The following CCDC13 variants were observed in gnomAD, a reference collection of about 807,000 sequenced individuals.
The protein encoded by CCDC13 is coiled-coil domain-containing protein 13.
A neutral mutation model predicts 87.3 loss-of-function variants in CCDC13; 70 were observed. The observed-to-expected ratio is 0.80, with a 90% confidence interval of 0.66 to 0.98. The LOEUF (loss-of-function observed/expected upper bound fraction) is 0.98, where lower values mean the gene tolerates loss of function less well. Among genes scored for constraint, CCDC13 ranks in the 50% least tolerant of loss-of-function variants. The pLI is 0.00. For missense variants in CCDC13, 842 were observed against 892.0 expected, an observed-to-expected ratio of 0.94 and a Z score of 0.71; for synonymous variants, 317 against 360.3, an observed-to-expected ratio of 0.88 and a Z score of 1.36.
intron 13 of CCDC13, among the ~76,000 whole-genome samples, chr3:42,725,470 G>C (rs1698664834): frequency 6.7e-6 from 1 of 149,962 alleles, no homozygotes; most frequent in Non-Finnish European, 1.5e-5. Context: ...GGAAGTTGAG[G>C]CTGCAGTGAG....
At chr3:42,717,450 G>T (rs1343088222) in intron 13 of CCDC13, among the ~76,000 whole-genome samples, 1 of 149,792 alleles carries the variant, frequency 6.7e-6, no homozygotes, top group Non-Finnish European at 1.5e-5. Flanking sequence ...AAGTAAAGAG[G>T]TTACTAGATG....
intron 13 of CCDC13, among the ~76,000 whole-genome samples, chr3:42,726,760 CAT>C (rs1292214836): frequency 2.0e-5 from 3 of 148,170 alleles, no homozygotes; most frequent in African/African-American, 4.9e-5. Context: ...TAAAGTCACA[CAT>C]ATATACATAT....
At chr3:42,737,327 G>A (rs1357339394) in intron 9 of CCDC13, among the ~76,000 whole-genome samples, 2 of 152,132 alleles carry the variant, frequency 1.3e-5, no homozygotes, top group Non-Finnish European at 1.5e-5. Context: ...TGGACATTTG[G>A]GTTGGTTCCA....
chr3:42,769,528 T>C (rs754403659), intron 1 of CCDC13, among the ~76,000 whole-genome samples: 1 of 152,258 alleles, frequency 6.6e-6, no homozygotes, highest in East Asian at 1.9e-4. Flanking sequence ...GAAATGTTCA[T>C]AGTGAGAGGT....
chr3:42,758,081 A>ACACACACT, intron 2 of CCDC13, 44 bp downstream of exon 2: 4 of 1,519,020 alleles, frequency 2.6e-6, no homozygotes, highest in Non-Finnish European at 3.6e-6. Context: ...ACACACACAC[A>ACACACACT]CACACACACA....
Position 42,730,591 on chromosome 3 carries a change from T to A in CCDC13, c.1596-2A>T. On this transcript the variant is annotated splice_acceptor_variant, in intron 12 of 15. Coordinates refer to ENST00000310232, the MANE Select transcript of CCDC13 (RefSeq NM_144719.4). LOFTEE classifies it high-confidence loss of function. ...TTTTGTTCTGGGGAGTCCGAGAACC[T>A]GGGACCAGGGTGGAGGGCAGAGGGC... 1 of 1,613,906 alleles carries A rather than the reference T, an allele frequency of 6.2e-7. No homozygotes were observed.
rs139801950 is a variant in CCDC13, at chr3:42,739,888, A to G, written c.988-78T>C. The G allele has an allele frequency of 5.2e-4, 719 of 1,380,020 alleles. 3 individuals carry two copies. The African/African-American group carries it at 9.3e-3, about 18-fold the overall frequency. 85.5% of individuals were successfully genotyped at this position (1,380,020 alleles called of 1,614,324 possible). On this transcript the variant is annotated intron_variant, in intron 8 of 15. Transcript: ENST00000310232. ...ACATCTGCTCCCTGGCTCCTACTCA[A>G]TGGCAAGGCCCGGGGCTGGGGGTGG...
intron 13 of CCDC13, chr3:42,719,382 CCTCTCTCTCTCTCTCTCT>C (rs71072728): frequency 1.5e-4 from 8 of 52,408 alleles, no homozygotes; most frequent in African/African-American, 5.1e-4. Context: ...GCAGTGCTTT[CCTCTCTCTCTCTCTCTCT>C]CTCTCTCTCT....
chr3:42,761,481 C>T (rs1227374540), intron 1 of CCDC13, among the ~76,000 whole-genome samples: 1 of 152,194 alleles, frequency 6.6e-6, no homozygotes, highest in Non-Finnish European at 1.5e-5. Context: ...GATTTGTTTA[C>T]TTGTTGACTG....
intron 10 of CCDC13, among the ~76,000 whole-genome samples, chr3:42,735,240 G>A (rs1283057442): frequency 2.6e-5 from 4 of 152,260 alleles, no homozygotes; most frequent in African/African-American, 7.2e-5. Flanking sequence ...TGCGGAGCAA[G>A]CAGGAGCTGA....
intron 1 of CCDC13, among the ~76,000 whole-genome samples, chr3:42,771,537 T>G (rs549905235): frequency 1.3e-5 from 2 of 152,204 alleles, no homozygotes; most frequent in Admixed American, 6.5e-5. Context: ...GGAGGACCAC[T>G]TGAGGCCAGG....
chr3:42,759,039 G>C (rs1297647453), intron 1 of CCDC13, among the ~76,000 whole-genome samples: 6 of 152,194 alleles, frequency 3.9e-5, no homozygotes, highest in Non-Finnish European at 1.5e-5. Flanking sequence ...AATCCACCAG[G>C]TTGGGTGCAG....
chr3:42,730,006 C>T (rs545063213), intron 13 of CCDC13, among the ~76,000 whole-genome samples: 1 of 152,286 alleles, frequency 6.6e-6, no homozygotes, highest in South Asian at 2.1e-4. Context: ...ACCTCCTGGT[C>T]CAGTGCCTCA....
Position 42,757,264 on chromosome 3 carries a change from G to A in CCDC13, c.222-50C>T, listed in dbSNP as rs368907020. Reference sequence around the variant, plus strand: ...GCTCCTCCAAGGCAAAGGCCCTGGTGGGCAGGGGTCAGGCCTCCACTGCCT... The same window carrying A: ...GCTCCTCCAAGGCAAAGGCCCTGGTAGGCAGGGGTCAGGCCTCCACTGCCT... On this transcript the variant is annotated intron_variant, in intron 2 of 15. Coordinates refer to ENST00000310232, the MANE Select transcript of CCDC13 (RefSeq NM_144719.4). 1.8e-3 allele frequency: 2,780 copies of A among 1,586,568 alleles called. 65 individuals carry two copies. The South Asian group carries it at 0.03, about 17-fold the overall frequency.
intron 5 of CCDC13, among the ~76,000 whole-genome samples, chr3:42,749,365 C>G (rs1338648951): frequency 6.6e-6 from 1 of 152,252 alleles, no homozygotes; most frequent in Admixed American, 6.5e-5. Context: ...ATGGAAAAAG[C>G]ATACAGATTG....
chr3:42,771,404 C>A (rs11129973), intron 1 of CCDC13, among the ~76,000 whole-genome samples: 145,231 of 152,194 alleles, frequency 0.95, 69,677 homozygotes, highest in East Asian at 1. Flanking sequence ...GTATACTTTA[C>A]TGGTGGATAC....
chr3:42,714,914 AC>A (rs1698393904), intron 13 of CCDC13, among the ~76,000 whole-genome samples: 1 of 152,230 alleles, frequency 6.6e-6, no homozygotes, highest in Non-Finnish European at 1.5e-5. Flanking sequence ...ACATATTCAT[AC>A]TATAGAACGT....
chr3:42,726,865 CAAAG>C (rs1248930249), intron 13 of CCDC13, among the ~76,000 whole-genome samples: 2 of 151,568 alleles, frequency 1.3e-5, no homozygotes, highest in African/African-American at 4.9e-5. Flanking sequence ...GCTTCAAAGA[CAAAG>C]AGAATAATCT....
intron 9 of CCDC13, among the ~76,000 whole-genome samples, chr3:42,738,619 T>A (rs138404134): frequency 6.6e-6 from 1 of 152,310 alleles, no homozygotes; most frequent in Non-Finnish European, 1.5e-5. Context: ...CTTGAAGAGG[T>A]TCTTCACATC....
Sources: gnomAD v4.1 joint callset for allele counts (sites outside exome capture counted in the v4.1 genomes callset) on GRCh38, gnomAD v4.1.1 for gene constraint, MANE v1.5 for transcripts, NCBI Gene and HGNC (gene_info 2026-07-23, HGNC 2026-07-21) for gene names.